The following ETS1 variants were observed in gnomAD, a reference collection of about 807,000 sequenced individuals.
ETS1 encodes the protein protein C-ets-1.
In ETS1, 15 loss-of-function variants were observed where a neutral mutation model predicts 58.6. The ratio of observed to expected loss-of-function variants is 0.26; its 90% CI spans 0.17 to 0.39. ETS1 has a LOEUF of 0.39. ETS1 is among the 10% of genes least tolerant of loss of function. The pLI, the probability that ETS1 is intolerant of heterozygous loss-of-function variation, is 1.00. For missense variants in ETS1, 417 were observed against 610.5 expected (o/e 0.68, Z 3.34); for synonymous variants, 214 against 218.2 (o/e 0.98, Z 0.17).
intron 3 of ETS1, among the ~76,000 whole-genome samples, chr11:128,542,119 C>T (rs984907530): frequency 6.6e-6 from 1 of 152,140 alleles, no homozygotes; most frequent in East Asian, 1.9e-4. Flanking sequence ...ATCACAGTAC[C>T]CCCTACACCT....
At chr11:128,540,916 C>T (rs771856127) in intron 3 of ETS1, among the ~76,000 whole-genome samples, 11 of 152,188 alleles carry the variant, frequency 7.2e-5, no homozygotes, top group East Asian at 1.9e-4. Context: ...AGAATAACAA[C>T]GCTCAAGGAT....
At chr11:128,496,686 A>G (rs921314967) in intron 3 of ETS1, among the ~76,000 whole-genome samples, 4 of 152,230 alleles carry the variant, frequency 2.6e-5, no homozygotes, top group African/African-American at 9.6e-5. Context: ...AAAGAAAGAC[A>G]GTCTCTATTG....
At chr11:128,467,223 T>A (rs1862063621) in intron 8 of ETS1, among the ~76,000 whole-genome samples, 1 of 152,170 alleles carries the variant, frequency 6.6e-6, no homozygotes, top group Admixed American at 6.5e-5. Flanking sequence ...TCCACAGCAA[T>A]GCATCACCCT....
intron 3 of ETS1, chr11:128,522,326 C>G (rs1863704016): frequency 9.6e-7 from 1 of 1,041,956 alleles, no homozygotes; most frequent in Admixed American, 5.7e-5. Context: ...CGCTCTCCCT[C>G]CCTCTCGCCC....
At chr11:128,525,468 T>A (rs1444572479) in intron 3 of ETS1, among the ~76,000 whole-genome samples, 1 of 152,120 alleles carries the variant, frequency 6.6e-6, no homozygotes, top group East Asian at 1.9e-4. Flanking sequence ...CTCCTGAGTC[T>A]TGAACTTCAA....
At chr11:128,467,006 A>T (rs1591590001) in intron 8 of ETS1, among the ~76,000 whole-genome samples, 1 of 152,166 alleles carries the variant, frequency 6.6e-6, no homozygotes, top group African/African-American at 2.4e-5. Context: ...CAGAAAGCCC[A>T]CATTTTTGTA....
intron 3 of ETS1, among the ~76,000 whole-genome samples, chr11:128,503,252 T>C (rs1370762607): frequency 6.6e-6 from 1 of 152,148 alleles, no homozygotes; most frequent in Non-Finnish European, 1.5e-5. Flanking sequence ...AGGGAACTAG[T>C]AGCAAACAGT....
intron 3 of ETS1, among the ~76,000 whole-genome samples, chr11:128,516,760 A>G (rs1023270615): frequency 6.6e-6 from 1 of 152,198 alleles, no homozygotes; most frequent in Non-Finnish European, 1.5e-5. Flanking sequence ...AATTTATATG[A>G]GGCATAGGCA....
At position 128,587,479 on chromosome 11, in the gene ETS1, G is replaced by A. The variant is rs950805152; in HGVS notation, c.-15+9C>T. 2 of 152,354 alleles carry A rather than the reference G, an allele frequency of 1.3e-5. No individual in the cohort carries two copies. The highest frequency in any genetic ancestry group is 2.9e-5 in the Non-Finnish European group (2 of 68,042). The allele number at this position is 152,354 out of a possible 1,614,324, so 9.4% of individuals were successfully genotyped here. A position where few individuals can be genotyped will look rare whatever the true frequency, so the allele number is the denominator to read the frequency against. ...GACTGAAAAGTTTTAGGCAGAAACT[G>A]ACACACACCTCACTTACTACTTTGC... is the stretch of plus-strand genomic sequence containing the variant. On this transcript the variant is annotated intron_variant, in intron 1 of 9. Coordinates refer to ENST00000392668, the MANE Select transcript of ETS1 (RefSeq NM_001143820.2).
intron 3 of ETS1, among the ~76,000 whole-genome samples, chr11:128,555,339 G>A (rs191551133): frequency 9.5e-4 from 145 of 152,182 alleles, no homozygotes; most frequent in Non-Finnish European, 8.8e-5. Context: ...AATGTTGTGG[G>A]GTAAAATAAC....
At chr11:128,519,270 C>G (rs1341428460) in intron 3 of ETS1, among the ~76,000 whole-genome samples, 2 of 151,868 alleles carry the variant, frequency 1.3e-5, no homozygotes, top group African/African-American at 2.4e-5. Context: ...AGGTCCTAGC[C>G]AGGAAAACAA....
intron 8 of ETS1, among the ~76,000 whole-genome samples, chr11:128,465,314 G>A (rs1591587433): frequency 6.6e-6 from 1 of 152,184 alleles, no homozygotes; most frequent in Non-Finnish European, 1.5e-5. Context: ...ATAAAATAAA[G>A]TAACATTCGA....
chr11:128,544,253 C>T (rs1166540445), intron 3 of ETS1, among the ~76,000 whole-genome samples: 1 of 149,662 alleles, frequency 6.7e-6, no homozygotes, highest in Non-Finnish European at 1.5e-5. Context: ...AGGCATAGAG[C>T]AAACTGTTTC....
chr11:128,494,967 C>T (rs761841131), intron 3 of ETS1, among the ~76,000 whole-genome samples: 10 of 152,212 alleles, frequency 6.6e-5, no homozygotes, highest in Non-Finnish European at 1.0e-4. Flanking sequence ...GGTATGGTCA[C>T]ACTCAATAGC....
chr11:128,581,019 C>T (rs1770682451), intron 1 of ETS1, among the ~76,000 whole-genome samples: 1 of 152,106 alleles, frequency 6.6e-6, no homozygotes, highest in South Asian at 2.1e-4. Context: ...AGGAGTAACT[C>T]GCTACTATCT....
At chr11:128,532,967 C>T (rs1049139032) in intron 3 of ETS1, among the ~76,000 whole-genome samples, 1 of 152,204 alleles carries the variant, frequency 6.6e-6, no homozygotes, top group African/African-American at 2.4e-5. Flanking sequence ...ATGCAGGTCT[C>T]CTGATTAGCT....
intron 8 of ETS1, among the ~76,000 whole-genome samples, chr11:128,468,283 C>T (rs1035932365): frequency 2.0e-5 from 3 of 152,212 alleles, no homozygotes; most frequent in Non-Finnish European, 2.9e-5. Flanking sequence ...GCAAGGCCCA[C>T]TATCTGTCTC....
At chr11:128,534,964 A>T (rs897380710) in intron 3 of ETS1, among the ~76,000 whole-genome samples, 1 of 152,184 alleles carries the variant, frequency 6.6e-6, no homozygotes, top group Non-Finnish European at 1.5e-5. Flanking sequence ...TGCTGGGTCA[A>T]ATGGTATTTC....
chr11:128,551,380 G>T (rs148891212), intron 3 of ETS1, among the ~76,000 whole-genome samples: 1 of 152,332 alleles, frequency 6.6e-6, no homozygotes, highest in Non-Finnish European at 1.5e-5. Flanking sequence ...TAGGCCATAT[G>T]AGAAAGCCCC....
Sources: gnomAD v4.1 joint callset for allele counts (sites outside exome capture counted in the v4.1 genomes callset) on GRCh38, gnomAD v4.1.1 for gene constraint, MANE v1.5 for transcripts, NCBI Gene and HGNC (gene_info 2026-07-23, HGNC 2026-07-21) for gene names.